The following RPS6KB1 variants were observed in gnomAD, a reference collection of about 807,000 sequenced individuals.
RPS6KB1 encodes ribosomal protein S6 kinase B1, also known as ribosomal protein S6 kinase beta-1.
Under a neutral mutation model 70.2 loss-of-function variants are expected in RPS6KB1, and 12 were observed. The observed-to-expected ratio is 0.17, with a 90% confidence interval of 0.11 to 0.28. The LOEUF (loss-of-function observed/expected upper bound fraction) is 0.28, where lower values mean the gene tolerates loss of function less well. Among genes scored for constraint, RPS6KB1 ranks in the 10% least tolerant of loss-of-function variants. The probability of loss-of-function intolerance (pLI) is 1.00; values close to 1 mark genes in which losing one functional copy is unlikely to be tolerated. For missense variants in RPS6KB1, 270 were observed against 646.6 expected, an observed-to-expected ratio of 0.42 and a Z score of 6.32; for synonymous variants, 175 against 211.2, an observed-to-expected ratio of 0.83 and a Z score of 1.49.
At position 59,931,501 on chromosome 17, in the gene RPS6KB1, CT is replaced by C; in HGVS notation, c.588-120del. On this transcript the variant is annotated intron_variant, in intron 6 of 14. Coordinates refer to ENST00000225577, the MANE Select transcript of RPS6KB1 (RefSeq NM_003161.4). ...CCATCTCTTTTTCCAATACATCCCC[CT>C]ACCCCACTAATTTGGTCTTTGGTGC... 1.1e-5 allele frequency: 8 copies of C among 703,632 alleles called. No homozygotes were observed. The South Asian group carries it at 1.3e-4, about 12-fold the overall frequency. 43.6% of individuals were successfully genotyped at this position (703,632 alleles called of 1,614,324 possible).
chr17:59,937,697 C>A (rs1208694304), intron 12 of RPS6KB1, among the ~76,000 whole-genome samples: 1 of 152,336 alleles, frequency 6.6e-6, no homozygotes, highest in East Asian at 1.9e-4. Context: ...TTCCTCTCTA[C>A]TCCAGTAGGA....
chr17:59,898,225 TC>T (rs1161482227), intron 1 of RPS6KB1, among the ~76,000 whole-genome samples: 5 of 152,150 alleles, frequency 3.3e-5, no homozygotes, highest in African/African-American at 4.8e-5. Flanking sequence ...TAAAAAATTC[TC>T]ACTTTGTACT....
intron 4 of RPS6KB1, among the ~76,000 whole-genome samples, chr17:59,918,512 G>C (rs1352889915): frequency 6.6e-6 from 1 of 151,986 alleles, no homozygotes; most frequent in Admixed American, 6.6e-5. Context: ...TGGGATTACA[G>C]GTGCCCGCTA....
intron 9 of RPS6KB1, 117 bp from the exon 10 acceptor site, chr17:59,935,076 T>G: frequency 1.6e-6 from 1 of 624,388 alleles, no homozygotes; most frequent in Non-Finnish European, 2.8e-6. Flanking sequence ...CAGCATACAT[T>G]TCTGATCTCC....
intron 5 of RPS6KB1, among the ~76,000 whole-genome samples, chr17:59,928,474 C>G (rs1303889496): frequency 6.6e-6 from 1 of 151,614 alleles, no homozygotes; most frequent in Non-Finnish European, 1.5e-5. Flanking sequence ...CTCTGCCTCT[C>G]GAGTAGCTGG....
intron 10 of RPS6KB1, 86 bp downstream of exon 10, chr17:59,935,386 G>A: frequency 1.4e-6 from 1 of 710,642 alleles, no homozygotes; most frequent in South Asian, 1.9e-5. Flanking sequence ...TTTGAATAAA[G>A]AGTCATATAT....
chr17:59,921,531 T>C (rs906954072), intron 4 of RPS6KB1, among the ~76,000 whole-genome samples: 2 of 152,176 alleles, frequency 1.3e-5, no homozygotes, highest in African/African-American at 4.8e-5. Flanking sequence ...GGTAAGTGTA[T>C]ACCTCTTCCC....
At position 59,948,099 on chromosome 17, in the gene RPS6KB1, A is replaced by G. The variant is rs2045033769; in HGVS notation, c.*1311A>G. On this transcript the variant is annotated 3_prime_UTR_variant, in exon 15 of 15. Transcript: ENST00000225577. ...AATTTAGGAAACATGTTAACAGGACACTATGTTTTTGAAATTGTAACAAAA... is the reference window on the plus strand; with the variant it reads ...AATTTAGGAAACATGTTAACAGGACGCTATGTTTTTGAAATTGTAACAAAA... 6.5e-6 allele frequency: 1 copy of G among 152,970 alleles called. No individual in the cohort carries two copies. The highest frequency in any genetic ancestry group is 1.5e-5 in the Non-Finnish European group (1 of 68,276). The allele number at this position is 152,970 out of a possible 1,614,324, so 9.5% of individuals were successfully genotyped here.
At position 59,914,680 on chromosome 17, in the gene RPS6KB1, T is replaced by C; in HGVS notation, c.358T>C (p.Phe120Leu). ...KVTGANTGKI[F>L]AMKVLKKAMI... The stretch of plus-strand genomic sequence containing the variant: ...AACAGGAGCAAATACTGGGAAAATA[T>C]TTGCCATGAAGGTGCTTAAAAAGGT... Residue 120 changes from phenylalanine (F) to leucine (L), a missense_variant, in exon 4 of 15, where the codon TTT (phenylalanine) becomes CTT (leucine). Physicochemically the swap from Phe to Leu is conservative, Grantham distance 22. Around this residue, in one of 4 missense-constraint regions of RPS6KB1, gnomAD observed 44 missense variants for 102.5 expected, o/e 0.43. Transcript: ENST00000225577. The C allele has an allele frequency of 6.2e-7, 1 of 1,612,764 alleles. No individual in the cohort carries two copies. The highest frequency in any genetic ancestry group is 8.5e-7 in the Non-Finnish European group (1 of 1,179,652).
chr17:59,915,775 C>CTT lies in RPS6KB1; in HGVS notation c.381+1095_381+1096dup, dbSNP rs71370143. Among the ~76,000 whole-genome samples, 368 of 77,822 alleles carry CTT rather than the reference C, an allele frequency of 4.7e-3. 15 individuals are homozygous for CTT. The highest frequency in any genetic ancestry group is 0.01 in the African/African-American group (161 of 15,646). The allele number at this position is 77,822 out of a possible 152,430, so 51.1% of individuals were successfully genotyped here. On this transcript the variant is annotated intron_variant, in intron 4 of 14. Transcript: ENST00000225577. ...GCCACTGCGCCTGGCCTACTGCTAT[C>CTT]TTTTTTTTTTTTTTTTTTTTTTTTA...
intron 1 of RPS6KB1, among the ~76,000 whole-genome samples, chr17:59,905,880 T>C (rs2042237113): frequency 6.6e-6 from 1 of 151,730 alleles, no homozygotes; most frequent in Admixed American, 6.6e-5. Context: ...GGAGTGGAAC[T>C]CCCAGGCTTA....
At chr17:59,924,591 C>T (rs1408018437) in intron 4 of RPS6KB1, among the ~76,000 whole-genome samples, 1 of 151,868 alleles carries the variant, frequency 6.6e-6, no homozygotes, top group Non-Finnish European at 1.5e-5. Flanking sequence ...GGGTTTTACT[C>T]AGAAGGTATT....
chr17:59,912,844 G>C (rs2042727977), intron 3 of RPS6KB1, 40 bp downstream of exon 3: 2 of 1,602,766 alleles, frequency 1.2e-6, no homozygotes, highest in South Asian at 1.1e-5. Flanking sequence ...TGTCTGTCTT[G>C]AATAGATTGA....
chr17:59,896,343 GCC>G (rs1204476046), intron 1 of RPS6KB1, among the ~76,000 whole-genome samples: 1 of 151,930 alleles, frequency 6.6e-6, no homozygotes, highest in Non-Finnish European at 1.5e-5. Context: ...ACAGGCACCC[GCC>G]ACCAGGCCCG....
At chr17:59,937,585 A>G (rs1383504188) in intron 12 of RPS6KB1, among the ~76,000 whole-genome samples, 3 of 152,048 alleles carry the variant, frequency 2.0e-5, no homozygotes, top group Non-Finnish European at 4.4e-5. Context: ...TAGGTGCATC[A>G]CCCGGATCTC....
chr17:59,931,367 C>A (rs1314764055), intron 6 of RPS6KB1: 6 of 404,724 alleles, frequency 1.5e-5, no homozygotes, highest in South Asian at 8.7e-5. Flanking sequence ...ATATTCTGGA[C>A]ATCTTTGCAA....
At position 59,926,563 on chromosome 17, in the gene RPS6KB1, C is replaced by A. The variant is rs772419801; in HGVS notation, c.510C>A (p.Leu170=). 6.2e-7 allele frequency: 1 copy of A among 1,611,872 alleles called. No homozygotes were observed. Among genetic ancestry groups the A allele is most frequent in the Non-Finnish European group, 8.5e-7 (1 of 1,178,314 alleles). The change falls in exon 5 of 15, where the codon CTC becomes CTA. Residue 170 remains leucine, a synonymous_variant. Transcript: ENST00000225577. ...TTCAGACTGGTGGAAAACTCTACCT[C>A]ATCCTTGAGTATCTCAGTGGTCAGT... The part of the protein sequence containing the change: ...YAFQTGGKLY[L]ILEYLSGGEL...
At chr17:59,899,147 T>C (rs1568373116) in intron 1 of RPS6KB1, among the ~76,000 whole-genome samples, 1 of 149,816 alleles carries the variant, frequency 6.7e-6, no homozygotes, top group Non-Finnish European at 1.5e-5. Flanking sequence ...GAGGTTGCAG[T>C]GAGCCAAGAT....
At chr17:59,926,622 C>T in intron 5 of RPS6KB1, 40 bp downstream of exon 5, 1 of 1,481,852 alleles carries the variant, frequency 6.7e-7, no homozygotes, top group Non-Finnish European at 9.2e-7. Context: ...TGCATTTGCT[C>T]CAGAAACTGG....
Sources: gnomAD v4.1 joint callset for allele counts (sites outside exome capture counted in the v4.1 genomes callset) on GRCh38, gnomAD v4.1.1 for gene constraint, gnomAD v4.1.1 regional missense constraint, MANE v1.5 for transcripts, NCBI Gene and HGNC (gene_info 2026-07-23, HGNC 2026-07-21) for gene names.